The following GALNT12 variants were observed in gnomAD, a reference collection of about 807,000 sequenced individuals.
The protein encoded by GALNT12 is UDP-GalNAc:polypeptide N-acetylgalactosaminyltransferase 12.
Under a neutral mutation model 55.5 loss-of-function variants are expected in GALNT12, and 45 were observed. That is an observed-to-expected ratio of 0.81 (90% CI 0.64 to 1.04). The LOEUF (loss-of-function observed/expected upper bound fraction) is 1.04, where lower values mean the gene tolerates loss of function less well. GALNT12 is among the 50% of genes least tolerant of loss of function. The pLI, the probability that GALNT12 is intolerant of heterozygous loss-of-function variation, is 0.00. For missense variants in GALNT12, 709 were observed against 754.8 expected (o/e 0.94, Z 0.71); for synonymous variants, 304 against 312.2 (o/e 0.97, Z 0.28).
Position 98,817,307 on chromosome 9 carries a change from C to G in GALNT12, c.372-5949C>G, listed in dbSNP as rs555564044. Among the ~76,000 whole-genome samples, 13 of 152,270 alleles carry G rather than the reference C, an allele frequency of 8.5e-5. No homozygotes were observed. The South Asian group carries it at 2.5e-3, about 29-fold the overall frequency. On this transcript the variant is annotated intron_variant, in intron 1 of 9. Coordinates refer to ENST00000375011, the MANE Select transcript of GALNT12 (RefSeq NM_024642.5). ...CTGAGGCTCCTGGTGAGCTACAACT[C>G]AACACAATCTAGCTTTTCTATGCAT... is the stretch of plus-strand genomic sequence containing the variant.
intron 4 of GALNT12, among the ~76,000 whole-genome samples, chr9:98,834,947 G>T (rs1255105641): frequency 6.6e-6 from 1 of 152,116 alleles, no homozygotes; most frequent in Non-Finnish European, 1.5e-5. Flanking sequence ...AGGGAACCTA[G>T]TCCTGCCCTT....
chr9:98,831,644 G>A (rs932764716), intron 3 of GALNT12, 128 bp from the exon 4 acceptor site: 10 of 1,058,154 alleles, frequency 9.5e-6, no homozygotes, highest in African/African-American at 9.4e-5. Flanking sequence ...AATAAGAGAA[G>A]CAGGTCTTTC....
chr9:98,831,854 G>C lies in GALNT12; in HGVS notation c.814G>C (p.Gly272Arg). The C allele has an allele frequency of 6.2e-7, 1 of 1,614,202 alleles. No homozygotes were observed. The highest frequency in any genetic ancestry group is 1.1e-5 in the South Asian group (1 of 91,088). The change falls in exon 4 of 10, where the codon GGG (glycine) becomes CGG (arginine). Residue 272 changes from glycine (G) to arginine (R), a missense_variant. Physicochemically the swap from Gly to Arg is moderately radical, Grantham distance 125. Coordinates refer to ENST00000375011, the MANE Select transcript of GALNT12 (RefSeq NM_024642.5). ...WNTFEYLGNS[G>R]EPQIGGFDWR... is the part of the protein sequence containing the mutation. Reference sequence around the variant, plus strand: ...CACCTTCGAATACCTGGGGAACTCCGGGGAGCCCCAGATCGGCGGTTTCGA... The same window carrying C: ...CACCTTCGAATACCTGGGGAACTCCCGGGAGCCCCAGATCGGCGGTTTCGA...
intron 1 of GALNT12, among the ~76,000 whole-genome samples, chr9:98,817,796 A>G (rs749567991): frequency 4.3e-4 from 66 of 152,272 alleles, no homozygotes; most frequent in Non-Finnish European, 3.4e-4. Context: ...ATGAGAAATA[A>G]TGAGATTGAG....
chr9:98,814,432 G>A (rs1835568716), intron 1 of GALNT12, among the ~76,000 whole-genome samples: 1 of 152,158 alleles, frequency 6.6e-6, no homozygotes, highest in Non-Finnish European at 1.5e-5. Flanking sequence ...GGAGGGGCTG[G>A]GTGCAGTGGG....
intron 1 of GALNT12, among the ~76,000 whole-genome samples, chr9:98,818,701 C>T (rs987973918): frequency 5.9e-5 from 9 of 152,134 alleles, no homozygotes; most frequent in Admixed American, 1.3e-4. Flanking sequence ...AGTAAAGACC[C>T]GTTGGTTTAT....
At chr9:98,839,590 T>C (rs1836237475) in intron 6 of GALNT12, among the ~76,000 whole-genome samples, 1 of 152,220 alleles carries the variant, frequency 6.6e-6, no homozygotes, top group Non-Finnish European at 1.5e-5. Context: ...AACCAGAAAG[T>C]CATGGCATAT....
intron 1 of GALNT12, among the ~76,000 whole-genome samples, chr9:98,820,164 A>G (rs1486675646): frequency 2.0e-5 from 3 of 152,088 alleles, no homozygotes; most frequent in Admixed American, 6.5e-5. Flanking sequence ...AACGTGTGCC[A>G]TGGTTGTTTG....
chr9:98,809,389 G>A (rs564476310), intron 1 of GALNT12, among the ~76,000 whole-genome samples: 73 of 152,262 alleles, frequency 4.8e-4, no homozygotes, highest in Admixed American at 8.5e-4. Context: ...TTAGCTCCTC[G>A]AAACCCCGAG....
rs1007254020 is a variant in GALNT12, at chr9:98,834,514, C to G, written c.918-735C>G. ...GCCGTGTAGGCTGGAAGCCGTGGGC[C>G]GTTTCTGGTTAGTGCTGGCTTCCAG... is the stretch of plus-strand genomic sequence containing the variant. On this transcript the variant is annotated intron_variant, in intron 4 of 9. Coordinates refer to ENST00000375011, the MANE Select transcript of GALNT12 (RefSeq NM_024642.5). Among the ~76,000 whole-genome samples the G allele has an allele frequency of 2.6e-5, 4 of 152,226 alleles. No individual in the cohort carries two copies. In the South Asian group the frequency reaches 8.3e-4, roughly 32 times the overall value.
chr9:98,826,794 C>T lies in GALNT12; in HGVS notation c.584C>T (p.Pro195Leu), dbSNP rs567989954. Residue 195 changes from proline (P) to leucine (L), a missense_variant, in exon 3 of 10, where the codon CCC becomes CTC. Pro to Leu is a moderately conservative substitution (Grantham distance 98, BLOSUM62 -3). Around this residue, in one of 5 missense-constraint regions of GALNT12, gnomAD observed 315 missense variants for 288.6 expected, o/e 1.09. Transcript: ENST00000375011. The part of the protein sequence containing the change: ...ERLANELSGL[P>L]KVRLIRANKR... ...TTGGCCAATGAGCTTTCGGGACTGC[C>T]CAAGGTGCGCCTGATCCGCGCCAAC... 1 of 1,611,956 alleles carries T rather than the reference C, an allele frequency of 6.2e-7. No homozygotes were observed. Among genetic ancestry groups the T allele is most frequent in the Admixed American group, 1.7e-5 (1 of 59,966 alleles).
chr9:98,832,021 T>C (rs1269076291), intron 4 of GALNT12, 64 bp downstream of exon 4: 26 of 1,417,546 alleles, frequency 1.8e-5, no homozygotes, highest in Non-Finnish European at 2.5e-5. Flanking sequence ...GGCTGACCTG[T>C]GAGCGGAGGC....
rs1220792808 is a variant in GALNT12 at position 98,828,461 on chromosome 9, A to G, written c.731+1520A>G. Among the ~76,000 whole-genome samples the G allele has an allele frequency of 2.0e-5, 3 of 152,060 alleles. No homozygotes were observed. The East Asian group carries it at 5.8e-4, about 30-fold the overall frequency. The stretch of plus-strand genomic sequence containing the variant: ...CTTCCTTCGTTCCCCCACTGCACTC[A>G]TAGATGGCCACCTCTACACAGGTCT... On this transcript the variant is annotated intron_variant, in intron 3 of 9. Coordinates refer to ENST00000375011, the MANE Select transcript of GALNT12 (RefSeq NM_024642.5).
chr9:98,823,059 G>T (rs559971507), intron 1 of GALNT12, among the ~76,000 whole-genome samples, 197 bp from the exon 2 acceptor site: 2 of 152,300 alleles, frequency 1.3e-5, no homozygotes, highest in East Asian at 1.9e-4. Flanking sequence ...CACAGTAAAA[G>T]CTAGGTGGGT....
intron 3 of GALNT12, among the ~76,000 whole-genome samples, chr9:98,828,585 C>T (rs1835916356): frequency 6.6e-6 from 1 of 152,188 alleles, no homozygotes; most frequent in Non-Finnish European, 1.5e-5. Flanking sequence ...CCAGCCGCCT[C>T]CTTGCTGCAT....
intron 7 of GALNT12, 23 bp downstream of exon 7, chr9:98,840,156 C>A (rs371016320): frequency 6.2e-7 from 1 of 1,612,166 alleles, no homozygotes; most frequent in South Asian, 1.1e-5. Context: ...GGTGGGCCCA[C>A]GGCAGGCAGG....
chr9:98,839,164 C>T lies in GALNT12; in HGVS notation c.1213-838C>T, dbSNP rs1049795102. 1.5e-4 allele frequency among the ~76,000 whole-genome samples: 23 copies of T among 152,220 alleles called. 1 individual carries two copies. Among genetic ancestry groups the T allele is most frequent in the Admixed American group, 5.2e-4 (8 of 15,286 alleles). On this transcript the variant is annotated intron_variant, in intron 6 of 9. Transcript: ENST00000375011. ...ATATTTTAGGGGGGCACTGAATGCA[C>T]CCTTAGGCTTCATGTCCAAGGCCAA... is the stretch of plus-strand genomic sequence containing the variant.
In GALNT12 at chr9:98,812,517, G is replaced by A. The variant is rs144870983; in HGVS notation, c.371+4448G>A. 5.3e-3 allele frequency among the ~76,000 whole-genome samples: 801 copies of A among 152,296 alleles called. 5 individuals are homozygous for A. The highest frequency in any genetic ancestry group is 0.024 in the South Asian group (115 of 4,822). On this transcript the variant is annotated intron_variant, in intron 1 of 9. Transcript: ENST00000375011. ...GAGGCAGGAGAATTACTTGAACCCA[G>A]GAGGCTGGAGGTTGCAGTGAGCCAA...
At chr9:98,825,012 A>G (rs1745476835) in intron 2 of GALNT12, among the ~76,000 whole-genome samples, 1 of 152,168 alleles carries the variant, frequency 6.6e-6, no homozygotes, top group Non-Finnish European at 1.5e-5. Flanking sequence ...ACCAGTTTCA[A>G]ACTTGGCTTC....
Sources: gnomAD v4.1 joint callset for allele counts (sites outside exome capture counted in the v4.1 genomes callset) on GRCh38, gnomAD v4.1.1 for gene constraint, gnomAD v4.1.1 regional missense constraint, MANE v1.5 for transcripts, NCBI Gene and HGNC (gene_info 2026-07-23, HGNC 2026-07-21) for gene names.